RLN2: variants seen among roughly 807,000 people sequenced by gnomAD.
RLN2 encodes prorelaxin H2.
Under a neutral mutation model 7.3 loss-of-function variants are expected in RLN2, and 10 were observed. The ratio of observed to expected loss-of-function variants is 1.36; its 90% CI spans 0.84 to 2.31. RLN2 has a LOEUF of 2.31. RLN2 is among the 30% of genes most tolerant of loss of function. The pLI is 0.00. For missense variants in RLN2, 298 were observed against 217.6 expected, an observed-to-expected ratio of 1.37 and a Z score of -2.32; for synonymous variants, 103 against 82.3, an observed-to-expected ratio of 1.25 and a Z score of -1.36.
At chr9:5,311,615 G>C in the RLN2 span, 4 of 1,226,220 alleles carry the variant, frequency 3.3e-6, no homozygotes, top group Non-Finnish European at 4.8e-6. Flanking sequence ...AGGGAAAAAG[G>C]GAAAAGCTGA....
Position 5,300,150 on chromosome 9 carries a change from T to G in RLN2, c.506A>C (p.Asn169Thr), listed in dbSNP as rs1341360121. The change falls in exon 2 of 2, where the codon AAT becomes ACT. Residue 169 changes from asparagine to threonine, a missense_variant. Coordinates refer to ENST00000381627, the MANE Select transcript of RLN2 (RefSeq NM_134441.3). ...GGTACAACCAACATGGCAACATTTATTAGCCAATGCACTGTAGAGTTGTCT... is the reference window on the plus strand; with the variant it reads ...GGTACAACCAACATGGCAACATTTAGTAGCCAATGCACTGTAGAGTTGTCT... ...KKRQLYSALA[N>T]KCCHVGCTKR... The G allele has an allele frequency of 5.6e-6, 9 of 1,605,592 alleles. No homozygotes were observed. Among genetic ancestry groups the G allele is most frequent in the Non-Finnish European group, 7.6e-6 (9 of 1,177,812 alleles).
upstream of RLN2, among the ~76,000 whole-genome samples, chr9:5,306,109 GTTTTTTT>G (rs199949652): frequency 1.7e-4 from 22 of 131,530 alleles, no homozygotes; most frequent in African/African-American, 3.7e-4. Context: ...TTTGTTTTTT[GTTTTTTT>G]TTTTTTTTTT....
At chr9:5,314,651 A>C in the RLN2 span, among the ~76,000 whole-genome samples, 1 of 152,038 alleles carries the variant, frequency 6.6e-6, no homozygotes, top group Non-Finnish European at 1.5e-5. Context: ...GGACTAGCCC[A>C]TTAGAGTATG....
chr9:5,302,754 C>T (rs1426303979), intron 1 of RLN2, among the ~76,000 whole-genome samples: 1 of 152,102 alleles, frequency 6.6e-6, no homozygotes, highest in African/African-American at 2.4e-5. Flanking sequence ...GTGTATGTGG[C>T]AGATTTATGA....
the RLN2 span, among the ~76,000 whole-genome samples, chr9:5,335,828 G>A: frequency 5.3e-5 from 8 of 151,782 alleles, no homozygotes; most frequent in Admixed American, 3.3e-4. Flanking sequence ...GTCCTCTCTC[G>A]TCTCTCTTCA....
the RLN2 span, among the ~76,000 whole-genome samples, chr9:5,324,432 T>G: frequency 6.6e-6 from 1 of 152,176 alleles, no homozygotes; most frequent in South Asian, 2.1e-4. Flanking sequence ...TGTAAAATGA[T>G]TTAAAAATCA....
At chr9:5,331,667 G>A in the RLN2 span, among the ~76,000 whole-genome samples, 5 of 151,000 alleles carry the variant, frequency 3.3e-5, no homozygotes, top group Admixed American at 6.6e-5. Context: ...GGGCATCTAG[G>A]GGGGTGGGGG....
chr9:5,334,527 C>T, the RLN2 span, among the ~76,000 whole-genome samples: 1 of 151,914 alleles, frequency 6.6e-6, no homozygotes, highest in Non-Finnish European at 1.5e-5. Flanking sequence ...ATAGTAAATT[C>T]TAAAGAAGTG....
chr9:5,317,523 A>C, the RLN2 span, among the ~76,000 whole-genome samples: 1 of 151,004 alleles, frequency 6.6e-6, no homozygotes, highest in South Asian at 2.1e-4. Context: ...ACTAGATATT[A>C]CACCCTATTT....
At position 5,304,519 on chromosome 9, in the gene RLN2, C is replaced by G; in HGVS notation, c.62G>C (p.Arg21Thr). Residue 21 changes from arginine to threonine, a missense_variant, in exon 1 of 2, where the codon AGA becomes ACA. Physicochemically the swap from Arg to Thr is moderately conservative, Grantham distance 71. Coordinates refer to ENST00000381627, the MANE Select transcript of RLN2 (RefSeq NM_134441.3). ...CTCCATCCATGAGTCCGCGACTGCT[C>G]TGGAAAATTGGTTCAGTAGTAAACA... Reference protein sequence around the residue: ...GVCLLLNQFSRAVADSWMEEV... With the variant: ...GVCLLLNQFSTAVADSWMEEV... The G allele has an allele frequency of 1.2e-6, 2 of 1,613,902 alleles. No individual in the cohort carries two copies. The highest frequency in any genetic ancestry group is 1.7e-6 in the Non-Finnish European group (2 of 1,179,956).
At chr9:5,317,993 T>TGTGTGTGTGTGC in the RLN2 span, among the ~76,000 whole-genome samples, 2 of 119,512 alleles carry the variant, frequency 1.7e-5, no homozygotes, top group Non-Finnish European at 3.7e-5. Flanking sequence ...TTAACAAAAC[T>TGTGTGTGTGTGC]ATGTGTGTGT....
chr9:5,319,590 C>T, the RLN2 span, among the ~76,000 whole-genome samples: 4 of 151,716 alleles, frequency 2.6e-5, no homozygotes, highest in Admixed American at 6.6e-5. Flanking sequence ...GTAAAGTTAC[C>T]GATATATGCT....
chr9:5,329,175 C>A, the RLN2 span, among the ~76,000 whole-genome samples: 1 of 150,542 alleles, frequency 6.6e-6, no homozygotes, highest in Non-Finnish European at 1.5e-5. Context: ...CGGTGGCGGG[C>A]GCCTGTAGTC....
In RLN2 at chr9:5,300,181, T is replaced by C; in HGVS notation, c.475A>G (p.Lys159Glu). The change falls in exon 2 of 2, where the codon AAA (lysine) becomes GAA (glutamate). Residue 159 changes from lysine (K) to glutamate (E), a missense_variant. By Grantham distance (56) the Lys-to-Glu change is moderately conservative. Transcript: ENST00000381627. ...AATGCACTGTAGAGTTGTCTCTTTT[T>C]TCGAGAATGAGTATCCAAGCCTAAG... ...KYLGLDTHSR[K>E]KRQLYSALAN... 1 of 1,613,986 alleles carries C rather than the reference T, an allele frequency of 6.2e-7. No individual in the cohort carries two copies. Among genetic ancestry groups the C allele is most frequent in the Non-Finnish European group, 8.5e-7 (1 of 1,179,922 alleles).
At chr9:5,327,912 C>T in the RLN2 span, among the ~76,000 whole-genome samples, 1 of 151,926 alleles carries the variant, frequency 6.6e-6, no homozygotes, top group Non-Finnish European at 1.5e-5. Flanking sequence ...TTGTAGGTCA[C>T]CAACATCAAA....
chr9:5,324,609 G>C, the RLN2 span, among the ~76,000 whole-genome samples: 1 of 151,872 alleles, frequency 6.6e-6, no homozygotes, highest in Admixed American at 6.6e-5. Flanking sequence ...CAGATTCAAA[G>C]ATAACACAAA....
At chr9:5,320,993 C>T in the RLN2 span, among the ~76,000 whole-genome samples, 1 of 152,070 alleles carries the variant, frequency 6.6e-6, no homozygotes, top group Non-Finnish European at 1.5e-5. Context: ...GTTGAAGAAT[C>T]ACAACATGAT....
the RLN2 span, among the ~76,000 whole-genome samples, chr9:5,317,509 C>T: frequency 6.7e-6 from 1 of 149,010 alleles, no homozygotes; most frequent in Non-Finnish European, 1.5e-5. Flanking sequence ...GGAGAACTGG[C>T]CCTACTAGAT....
the RLN2 span, among the ~76,000 whole-genome samples, chr9:5,312,610 G>A: frequency 1.3e-5 from 2 of 151,880 alleles, no homozygotes; most frequent in African/African-American, 4.8e-5. Flanking sequence ...GTTGAAGAAG[G>A]GAGTATAAAA....
Sources: allele counts gnomAD v4.1 joint callset (sites outside exome capture counted in the v4.1 genomes callset), GRCh38; gene constraint gnomAD v4.1.1; transcripts MANE v1.5; gene names NCBI Gene and HGNC (gene_info 2026-07-23, HGNC 2026-07-21).